The following ZKSCAN5 variants were observed in gnomAD, a reference collection of about 807,000 sequenced individuals.
ZKSCAN5 encodes the protein zinc finger protein with KRAB and SCAN domains 5.
A neutral mutation model predicts 60.0 loss-of-function variants in ZKSCAN5; 28 were observed. That is an observed-to-expected ratio of 0.47 (90% CI 0.35 to 0.64). ZKSCAN5 has a LOEUF of 0.64. Ranked by LOEUF, ZKSCAN5 falls within the 30% of genes least tolerant of loss-of-function variation. The pLI is 0.01. For missense variants in ZKSCAN5, 881 were observed against 1,034.6 expected, an observed-to-expected ratio of 0.85 and a Z score of 2.04; for synonymous variants, 361 against 371.2, an observed-to-expected ratio of 0.97 and a Z score of 0.31.
At chr7:99,519,231 C>T (rs1801408276) in intron 3 of ZKSCAN5, among the ~76,000 whole-genome samples, 1 of 151,142 alleles carries the variant, frequency 6.6e-6, no homozygotes, top group African/African-American at 2.4e-5. Context: ...GCCTCGGCCT[C>T]CCAAAGTACT....
intron 2 of ZKSCAN5, among the ~76,000 whole-genome samples, chr7:99,507,225 T>G (rs1435096122): frequency 6.6e-6 from 1 of 152,068 alleles, no homozygotes; most frequent in East Asian, 1.9e-4. Context: ...TCTTTTTTCT[T>G]ATATCTTGGT....
chr7:99,508,431 T>C (rs1372959051), intron 2 of ZKSCAN5, among the ~76,000 whole-genome samples: 5 of 151,662 alleles, frequency 3.3e-5, no homozygotes, highest in Non-Finnish European at 7.4e-5. Context: ...AACAATGTTA[T>C]CAAAATTGGT....
chr7:99,523,211 G>A (rs1187215250), intron 5 of ZKSCAN5, among the ~76,000 whole-genome samples: 1 of 146,720 alleles, frequency 6.8e-6, no homozygotes, highest in Non-Finnish European at 1.5e-5. Context: ...GTTAGCTGAT[G>A]TTGGGAGATC....
intron 2 of ZKSCAN5, among the ~76,000 whole-genome samples, chr7:99,510,293 G>A (rs1002844175): frequency 2.0e-5 from 3 of 151,784 alleles, no homozygotes; most frequent in Non-Finnish European, 4.4e-5. Flanking sequence ...AGGCTGGAGT[G>A]CAGTGGCCTG....
At chr7:99,522,868 A>G (rs1213410220) in intron 5 of ZKSCAN5, among the ~76,000 whole-genome samples, 1 of 59,772 alleles carries the variant, frequency 1.7e-5, no homozygotes, top group East Asian at 4.7e-4. Flanking sequence ...TATGGAGGCA[A>G]GGAGGAGCAG....
chr7:99,521,772 T>C (rs1801549953), intron 5 of ZKSCAN5, among the ~76,000 whole-genome samples: 1 of 152,060 alleles, frequency 6.6e-6, no homozygotes, highest in South Asian at 2.1e-4. Context: ...TTTAAAATTA[T>C]TGATTAAATC....
At chr7:99,511,565 C>G (rs561380763) in intron 2 of ZKSCAN5, among the ~76,000 whole-genome samples, 2 of 152,090 alleles carry the variant, frequency 1.3e-5, no homozygotes, top group South Asian at 4.1e-4. Flanking sequence ...ACCTCAGCCT[C>G]CTAAGTAGCT....
In ZKSCAN5 at chr7:99,506,440, T is replaced by C. The variant is rs1018025078; in HGVS notation, c.396T>C (p.Leu132=). ...VAVIENIQRE[L]EERRQQIVAC... Reference sequence around the variant, plus strand: ...TGATAGAAAATATACAGCGAGAACTTGAGGAACGCAGACAGCAGGTGAGTC... The same window carrying C: ...TGATAGAAAATATACAGCGAGAACTCGAGGAACGCAGACAGCAGGTGAGTC... The change falls in exon 2 of 7, where the codon CTT becomes CTC. Residue 132 remains leucine (L), a synonymous_variant. Transcript: ENST00000326775. The C allele has an allele frequency of 6.2e-6, 10 of 1,611,708 alleles. No individual in the cohort carries two copies. The highest frequency in any genetic ancestry group is 7.6e-6 in the Non-Finnish European group (9 of 1,178,338).
chr7:99,522,567 G>T lies in ZKSCAN5; in HGVS notation c.772+2263G>T, dbSNP rs1240373852. ...TGGCTCACTGCAACCTCTGCCTCCC[G>T]GGTTCAAGCTATTCTCGCACCTCAG... is the stretch of plus-strand genomic sequence containing the variant. On this transcript the variant is annotated intron_variant, in intron 5 of 6. Transcript: ENST00000326775. 3.3e-5 allele frequency among the ~76,000 whole-genome samples: 5 copies of T among 151,282 alleles called. No homozygotes were observed. The East Asian group carries it at 9.8e-4, about 30-fold the overall frequency.
At chr7:99,526,634 A>G (rs1801807755) in intron 6 of ZKSCAN5, among the ~76,000 whole-genome samples, 1 of 152,140 alleles carries the variant, frequency 6.6e-6, no homozygotes. Context: ...AGCTCACTGC[A>G]ACTTCTGCCT....
chr7:99,519,791 A>G, intron 3 of ZKSCAN5, 36 bp from the exon 4 acceptor site: 2 of 1,584,586 alleles, frequency 1.3e-6, no homozygotes, highest in Non-Finnish European at 1.7e-6. Flanking sequence ...CCGGGCAAAG[A>G]TGTTCTCACT....
intron 5 of ZKSCAN5, among the ~76,000 whole-genome samples, chr7:99,521,195 A>T (rs996725164): frequency 5.9e-5 from 9 of 151,976 alleles, no homozygotes; most frequent in African/African-American, 2.2e-4. Context: ...AAATATATTT[A>T]TTTTATTATT....
chr7:99,512,230 T>G (rs1020055025), intron 2 of ZKSCAN5, among the ~76,000 whole-genome samples: 2 of 152,184 alleles, frequency 1.3e-5, no homozygotes, highest in African/African-American at 4.8e-5. Flanking sequence ...ACAGCCCAGT[T>G]TGTAATTATG....
At chr7:99,509,051 C>T (rs9656060) in intron 2 of ZKSCAN5, among the ~76,000 whole-genome samples, 27,186 of 151,366 alleles carry the variant, frequency 0.18, 3,933 homozygotes, top group African/African-American at 0.4. Context: ...TGCAGTGGTG[C>T]GATCTTGTCT....
Position 99,526,159 on chromosome 7 carries a change from G to A in ZKSCAN5, c.1119G>A (p.Pro373=), listed in dbSNP as rs543943795. The change falls in exon 6 of 7, where the codon CCG becomes CCA. Residue 373 remains proline, a synonymous_variant. Coordinates refer to ENST00000326775, the MANE Select transcript of ZKSCAN5 (RefSeq NM_145102.4). The stretch of plus-strand genomic sequence containing the variant: ...GGCGCATCCACACTGGAGAAAAACC[G>A]TTTAAGTGCGGAGAATGTGGGAAGA... ...QHRRIHTGEK[P]FKCGECGKSY... 36 of 1,614,206 alleles carry A rather than the reference G, an allele frequency of 2.2e-5. No individual in the cohort carries two copies. The highest frequency in any genetic ancestry group is 3.3e-4 in the Middle Eastern group (2 of 6,062).
chr7:99,530,988 C>CAG, intron 6 of ZKSCAN5, 120 bp from the exon 7 acceptor site: 1 of 871,010 alleles, frequency 1.1e-6, no homozygotes, highest in South Asian at 1.7e-5. Context: ...ACCCAGGAGG[C>CAG]AGAGGTTGCA....
chr7:99,519,900 T>C lies in ZKSCAN5; in HGVS notation c.627T>C (p.Thr209=), dbSNP rs199689824. The C allele has an allele frequency of 8.9e-5, 143 of 1,614,040 alleles. No homozygotes were observed. The highest frequency in any genetic ancestry group is 1.2e-4 in the Non-Finnish European group (139 of 1,180,046). ...SQELTASLLS[T]GSQKLVKIEE... ...AGCTGACAGCTTCACTTCTCTCAAC[T>C]GGGTCCCAGGTGAGCTGGTGCCCCT... The change falls in exon 4 of 7, where the codon ACT becomes ACC. Residue 209 remains threonine (T), a synonymous_variant. Transcript: ENST00000326775.
chr7:99,518,475 C>T (rs1378796473), intron 3 of ZKSCAN5, among the ~76,000 whole-genome samples: 1 of 151,724 alleles, frequency 6.6e-6, no homozygotes, highest in Non-Finnish European at 1.5e-5. Flanking sequence ...AATGCAAACT[C>T]TCAGGCCTCA....
chr7:99,507,245 G>A (rs1800777216), intron 2 of ZKSCAN5, among the ~76,000 whole-genome samples: 1 of 151,678 alleles, frequency 6.6e-6, no homozygotes, highest in Non-Finnish European at 1.5e-5. Context: ...TTTCTTCCAC[G>A]CCACTGCCAT....
Sources: allele counts gnomAD v4.1 joint callset (sites outside exome capture counted in the v4.1 genomes callset), GRCh38; gene constraint gnomAD v4.1.1; transcripts MANE v1.5; gene names NCBI Gene and HGNC (gene_info 2026-07-23, HGNC 2026-07-21).